B4GALT5: variants seen among roughly 807,000 people sequenced by gnomAD.
B4GALT5 encodes UDP-Gal:beta-GlcNAc beta-1,4-galactosyltransferase 5.
In B4GALT5, 11 loss-of-function variants were observed where a neutral mutation model predicts 45.0. The observed-to-expected ratio is 0.24, with a 90% confidence interval of 0.15 to 0.40. The LOEUF (loss-of-function observed/expected upper bound fraction) is 0.40, where lower values mean the gene tolerates loss of function less well. Among genes scored for constraint, B4GALT5 ranks in the 10% least tolerant of loss-of-function variants. B4GALT5 has a pLI of 1.00. For missense variants in B4GALT5, 337 were observed against 500.2 expected (o/e 0.67, Z 3.11); for synonymous variants, 185 against 182.9 (o/e 1.01, Z -0.09).
intron 1 of B4GALT5, among the ~76,000 whole-genome samples, chr20:49,670,679 A>C (rs557539510): frequency 6.6e-6 from 1 of 152,314 alleles, no homozygotes; most frequent in South Asian, 2.1e-4. Flanking sequence ...GTAAAATTTT[A>C]AGTTGACACT....
rs971798526 is a variant in B4GALT5, at chr20:49,632,962, T to C, written c.*3350A>G. 1.3e-5 allele frequency: 2 copies of C among 152,552 alleles called. No individual in the cohort carries two copies. The highest frequency in any genetic ancestry group is 4.8e-5 in the African/African-American group (2 of 41,470). 9.4% of individuals were successfully genotyped at this position (152,552 alleles called of 1,614,324 possible). ...CACCAAGGTTTGGTTCTTGAATATG[T>C]ATTTTTTACTGAAAAAATCATTCAT... On this transcript the variant is annotated 3_prime_UTR_variant, in exon 9 of 9. Coordinates refer to ENST00000371711, the MANE Select transcript of B4GALT5 (RefSeq NM_004776.4).
intron 1 of B4GALT5, among the ~76,000 whole-genome samples, chr20:49,689,313 A>G (rs748671592): frequency 3.3e-5 from 5 of 152,224 alleles, no homozygotes; most frequent in Non-Finnish European, 7.3e-5. Flanking sequence ...GAAGAACCTG[A>G]TAATTCTTAG....
rs749309402 is a variant in B4GALT5, at chr20:49,686,828, G to T, written c.115+26748C>A. On this transcript the variant is annotated intron_variant, in intron 1 of 8. Coordinates refer to ENST00000371711, the MANE Select transcript of B4GALT5 (RefSeq NM_004776.4). ...GTGGAAGGATCCCTTCAGCCCAGAA[G>T]TTCGAGGCTGCAATGAGCTATAATT... 1.6e-4 allele frequency among the ~76,000 whole-genome samples: 24 copies of T among 149,412 alleles called. 1 individual carries two copies. The highest frequency in any genetic ancestry group is 7.4e-5 in the Non-Finnish European group (5 of 67,752).
At chr20:49,669,696 CAAAAA>C (rs535974379) in intron 1 of B4GALT5, among the ~76,000 whole-genome samples, 3 of 94,818 alleles carry the variant, frequency 3.2e-5, no homozygotes. Context: ...AACTCCACCT[CAAAAA>C]AAAAAAAAAA....
rs193045862 is a variant in B4GALT5, at chr20:49,665,481, A to G, written c.116-8779T>C. Among the ~76,000 whole-genome samples the G allele has an allele frequency of 9.3e-3, 1,285 of 138,232 alleles. 22 individuals are homozygous for G. Among genetic ancestry groups the G allele is most frequent in the African/African-American group, 0.03 (1,139 of 37,780 alleles). The allele number at this position is 138,232 out of a possible 152,430, so 90.7% of individuals were successfully genotyped here. A position where few individuals can be genotyped will look rare whatever the true frequency, so the allele number is the denominator to read the frequency against. On this transcript the variant is annotated intron_variant, in intron 1 of 8. Transcript: ENST00000371711. ...TAATAATAATAATAATAATAATAAT[A>G]ATGAAGAAACATCAAGTCCTAAGGA... is the stretch of plus-strand genomic sequence containing the variant.
intron 1 of B4GALT5, among the ~76,000 whole-genome samples, chr20:49,701,677 A>G (rs958034093): frequency 2.0e-5 from 3 of 152,198 alleles, no homozygotes; most frequent in African/African-American, 7.2e-5. Flanking sequence ...AAAAACACCC[A>G]CAATACCAAA....
intron 1 of B4GALT5, among the ~76,000 whole-genome samples, chr20:49,692,305 GAAA>G (rs11482585): frequency 7.0e-6 from 1 of 143,604 alleles, no homozygotes; most frequent in Non-Finnish European, 1.5e-5. Flanking sequence ...CTCTACAAAA[GAAA>G]AAAAAAAAAG....
chr20:49,659,309 T>A (rs1450474599), intron 1 of B4GALT5, among the ~76,000 whole-genome samples: 1 of 152,080 alleles, frequency 6.6e-6, no homozygotes, highest in Non-Finnish European at 1.5e-5. Context: ...CAGCAAGGAG[T>A]CTATTCTTTC....
chr20:49,655,972 T>A (rs189908933), intron 2 of B4GALT5, among the ~76,000 whole-genome samples: 1 of 150,536 alleles, frequency 6.6e-6, no homozygotes, highest in East Asian at 1.9e-4. Flanking sequence ...TCACTCTTAA[T>A]GTATTATGCT....
chr20:49,692,208 T>C (rs2146355016), intron 1 of B4GALT5, among the ~76,000 whole-genome samples: 1 of 152,098 alleles, frequency 6.6e-6, no homozygotes, highest in African/African-American at 2.4e-5. Context: ...ATAGGTATGT[T>C]GAGTGTGCTG....
chr20:49,668,365 A>G (rs13039100), intron 1 of B4GALT5, among the ~76,000 whole-genome samples: 4,471 of 152,202 alleles, frequency 0.029, 94 homozygotes, highest in Non-Finnish European at 0.043. Context: ...AACAGATACT[A>G]GATGGCTGGG....
chr20:49,655,561 G>T (rs905746844), intron 2 of B4GALT5, among the ~76,000 whole-genome samples: 4 of 152,196 alleles, frequency 2.6e-5, no homozygotes, highest in Non-Finnish European at 5.9e-5. Flanking sequence ...GGCTGGACTA[G>T]AGAGGCCTCA....
chr20:49,713,136 G>A (rs1450439793), intron 1 of B4GALT5, among the ~76,000 whole-genome samples: 1 of 151,696 alleles, frequency 6.6e-6, no homozygotes, highest in African/African-American at 2.4e-5. Flanking sequence ...ACATGGGCTC[G>A]GCGAAGAGCG....
chr20:49,663,443 C>CAAA (rs11086291), intron 1 of B4GALT5, among the ~76,000 whole-genome samples: 1 of 142,770 alleles, frequency 7.0e-6, no homozygotes, highest in African/African-American at 2.6e-5. Context: ...CATATTTTTA[C>CAAA]AAAAAAAAAA....
rs191251857 is a variant in B4GALT5 at position 49,664,863 on chromosome 20, T to C, written c.116-8161A>G. On this transcript the variant is annotated intron_variant, in intron 1 of 8. Transcript: ENST00000371711. ...GCATGTATGAGCTTATGTATGCATA[T>C]AAAAAGTTAAAGCAAATGTGACAAA... Among the ~76,000 whole-genome samples, 6 of 152,342 alleles carry C rather than the reference T, an allele frequency of 3.9e-5. No individual in the cohort carries two copies. The East Asian group carries it at 5.8e-4, about 15-fold the overall frequency.
intron 1 of B4GALT5, among the ~76,000 whole-genome samples, chr20:49,712,942 A>C (rs2085923356): frequency 6.6e-6 from 1 of 151,164 alleles, no homozygotes; most frequent in Non-Finnish European, 1.5e-5. Context: ...ACCGGCAGGC[A>C]GAGAGATCAG....
At chr20:49,675,691 G>A (rs2085734435) in intron 1 of B4GALT5, among the ~76,000 whole-genome samples, 1 of 152,190 alleles carries the variant, frequency 6.6e-6, no homozygotes, top group Non-Finnish European at 1.5e-5. Flanking sequence ...GCTGTCTGAA[G>A]ATACAAAACC....
At chr20:49,683,099 G>A (rs895541103) in intron 1 of B4GALT5, among the ~76,000 whole-genome samples, 3 of 112,090 alleles carry the variant, frequency 2.7e-5, no homozygotes, top group Non-Finnish European at 6.3e-5. Flanking sequence ...CTGTTTCTGG[G>A]GAGGAAAAAA....
chr20:49,691,922 T>TG (rs2085814462), intron 1 of B4GALT5, among the ~76,000 whole-genome samples: 1 of 152,160 alleles, frequency 6.6e-6, no homozygotes, highest in East Asian at 1.9e-4. Context: ...ACCAAATGAC[T>TG]GATTTTATCA....
Sources: allele counts gnomAD v4.1 joint callset (sites outside exome capture counted in the v4.1 genomes callset), GRCh38; gene constraint gnomAD v4.1.1; transcripts MANE v1.5; gene names NCBI Gene and HGNC (gene_info 2026-07-23, HGNC 2026-07-21).